ASIC2: variants seen among roughly 807,000 people sequenced by gnomAD.
The protein encoded by ASIC2 is acid sensing ion channel subunit 2.
A neutral mutation model predicts 57.3 loss-of-function variants in ASIC2; 25 were observed. The ratio of observed to expected loss-of-function variants is 0.44; its 90% CI spans 0.32 to 0.61. ASIC2 has a LOEUF of 0.61. Among genes scored for constraint, ASIC2 ranks in the 20% least tolerant of loss-of-function variants. The pLI, the probability that ASIC2 is intolerant of heterozygous loss-of-function variation, is 0.06. For missense variants in ASIC2, 641 were observed against 738.1 expected (o/e 0.87, Z 1.52); for synonymous variants, 319 against 307.5 (o/e 1.04, Z -0.39).
rs1482274564 is a variant in ASIC2 at position 33,864,115 on chromosome 17, G to A, written c.555+291863C>T. Among the ~76,000 whole-genome samples, 3 of 151,982 alleles carry A rather than the reference G, an allele frequency of 2.0e-5. No individual in the cohort carries two copies. In the South Asian group the frequency reaches 6.2e-4, roughly 32 times the overall value. Reference sequence around the variant, plus strand: ...ACTGAGTTTTTCCATGTTGGTCAGGGTGGTCTCGAATTCCTGACCTCAGGT... The same window carrying A: ...ACTGAGTTTTTCCATGTTGGTCAGGATGGTCTCGAATTCCTGACCTCAGGT... On this transcript the variant is annotated intron_variant, in intron 1 of 9. Coordinates refer to the ASIC2 transcript ENST00000359872.
chr17:34,124,347 A>G (rs1332114386), intron 1 of ASIC2, among the ~76,000 whole-genome samples: 1 of 152,218 alleles, frequency 6.6e-6, no homozygotes, highest in Non-Finnish European at 1.5e-5. Context: ...TGACCTACAC[A>G]ATAGCATTTT....
intron 3 of ASIC2, among the ~76,000 whole-genome samples, chr17:33,064,968 G>C (rs1414149543): frequency 1.3e-5 from 2 of 152,178 alleles, no homozygotes; most frequent in Non-Finnish European, 2.9e-5. Flanking sequence ...AGAACATGGA[G>C]TTACAGAGAG....
At chr17:33,999,697 C>A (rs1906272886) in intron 1 of ASIC2, among the ~76,000 whole-genome samples, 1 of 152,060 alleles carries the variant, frequency 6.6e-6, no homozygotes, top group Non-Finnish European at 1.5e-5. Flanking sequence ...CAATTTCTAT[C>A]TTTTATATAT....
Position 33,953,762 on chromosome 17 carries a change from G to A in ASIC2, c.555+202216C>T, listed in dbSNP as rs111753311. On this transcript the variant is annotated intron_variant, in intron 1 of 9. Coordinates refer to the ASIC2 transcript ENST00000359872. The stretch of plus-strand genomic sequence containing the variant: ...CTGAATGAGGGGAGTGTTGTGGGTG[G>A]TGGCTTGGACGGGAGAATGTGTCAT... Among the ~76,000 whole-genome samples, 643 of 152,310 alleles carry A rather than the reference G, an allele frequency of 4.2e-3. 8 individuals carry two copies. Among genetic ancestry groups the A allele is most frequent in the African/African-American group, 0.015 (617 of 41,578 alleles).
chr17:33,715,492 C>T (rs1909190632), intron 1 of ASIC2, among the ~76,000 whole-genome samples: 1 of 152,152 alleles, frequency 6.6e-6, no homozygotes, highest in South Asian at 2.1e-4. Flanking sequence ...GAGCAAAGCA[C>T]ACATCCTAGT....
At chr17:33,267,995 G>A (rs942717622) in intron 1 of ASIC2, among the ~76,000 whole-genome samples, 24 of 152,268 alleles carry the variant, frequency 1.6e-4, no homozygotes, top group Admixed American at 6.5e-4. Flanking sequence ...CCGTGCATGC[G>A]TAAAGGGCTT....
chr17:33,875,521 A>G (rs1427134145), intron 1 of ASIC2, among the ~76,000 whole-genome samples: 1 of 152,186 alleles, frequency 6.6e-6, no homozygotes, highest in Non-Finnish European at 1.5e-5. Context: ...ATCCTCGGTC[A>G]TATATGGGAT....
intron 1 of ASIC2, among the ~76,000 whole-genome samples, chr17:33,960,221 C>T (rs1048806876): frequency 2.0e-5 from 3 of 152,180 alleles, no homozygotes; most frequent in Admixed American, 2.0e-4. Flanking sequence ...CCAGCAGCAA[C>T]CTCTGTCTTC....
chr17:33,511,148 G>T (rs955749885), intron 1 of ASIC2, among the ~76,000 whole-genome samples: 2 of 125,060 alleles, frequency 1.6e-5, no homozygotes, highest in African/African-American at 3.0e-5. Context: ...CAGCTGTATG[G>T]CTGTAAGACT....
Position 33,776,926 on chromosome 17 carries a change from C to A in ASIC2, c.555+379052G>T, listed in dbSNP as rs548028328. Among the ~76,000 whole-genome samples the A allele has an allele frequency of 2.0e-5, 3 of 152,310 alleles. No individual in the cohort carries two copies. The South Asian group carries it at 6.2e-4, about 32-fold the overall frequency. ...GGCCCTTACATCTTTCGCTGGGTGA[C>A]CTCCCATCTCCAGCCTCGCTCCCTC... On this transcript the variant is annotated intron_variant, in intron 1 of 9. Coordinates refer to the ASIC2 transcript ENST00000359872.
intron 1 of ASIC2, among the ~76,000 whole-genome samples, chr17:33,612,066 G>A (rs1026665214): frequency 2.0e-5 from 3 of 152,148 alleles, no homozygotes; most frequent in African/African-American, 7.2e-5. Context: ...CCAGCTTAAA[G>A]GCAATGAAAC....
At chr17:34,155,899 C>T in intron 1 of ASIC2, 1 of 1,498,084 alleles carries the variant, frequency 6.7e-7, no homozygotes, top group Admixed American at 2.1e-5. Context: ...CACAAGGAAA[C>T]CCCAAACCAA....
At chr17:33,258,447 T>C (rs984395334) in intron 1 of ASIC2, among the ~76,000 whole-genome samples, 4 of 151,970 alleles carry the variant, frequency 2.6e-5, no homozygotes, top group Admixed American at 1.3e-4. Flanking sequence ...AGTGAGTAAT[T>C]TGGTGCCATG....
intron 1 of ASIC2, among the ~76,000 whole-genome samples, chr17:33,904,955 T>C (rs984917757): frequency 1.3e-5 from 2 of 152,184 alleles, no homozygotes; most frequent in South Asian, 2.1e-4. Context: ...CAAAGTCATC[T>C]TGACATCCTC....
At chr17:34,099,268 A>C (rs1910709448) in intron 1 of ASIC2, among the ~76,000 whole-genome samples, 1 of 148,488 alleles carries the variant, frequency 6.7e-6, no homozygotes, top group South Asian at 2.1e-4. Context: ...GAAAAGAAAG[A>C]AAGAGGAAAG....
At chr17:33,554,497 G>T (rs558926253) in intron 1 of ASIC2, among the ~76,000 whole-genome samples, 1 of 152,002 alleles carries the variant, frequency 6.6e-6, no homozygotes, top group Non-Finnish European at 1.5e-5. Flanking sequence ...TAGGGGAAGG[G>T]GTATTTCAAG....
intron 1 of ASIC2, among the ~76,000 whole-genome samples, chr17:33,762,117 C>T (rs377111521): frequency 2.0e-5 from 3 of 152,122 alleles, no homozygotes; most frequent in East Asian, 1.9e-4. Flanking sequence ...CAGACCCAAG[C>T]GAACTCAGCA....
At chr17:33,245,059 A>G (rs1415601517) in intron 1 of ASIC2, among the ~76,000 whole-genome samples, 4 of 152,208 alleles carry the variant, frequency 2.6e-5, no homozygotes, top group African/African-American at 9.7e-5. Context: ...TCACATAATA[A>G]TTATACTAAT....
intron 3 of ASIC2, among the ~76,000 whole-genome samples, chr17:33,055,557 G>C (rs1236977165): frequency 2.0e-5 from 3 of 152,158 alleles, no homozygotes; most frequent in Non-Finnish European, 4.4e-5. Flanking sequence ...TGTCAGTCAG[G>C]CTGGAGTGTA....
Sources: gnomAD v4.1 joint callset for allele counts (sites outside exome capture counted in the v4.1 genomes callset) on GRCh38, gnomAD v4.1.1 for gene constraint, MANE v1.5 for transcripts, NCBI Gene and HGNC (gene_info 2026-07-23, HGNC 2026-07-21) for gene names.